CDH26: variants seen among roughly 807,000 people sequenced by gnomAD.
The protein encoded by CDH26 is cadherin-like protein 26.
Under a neutral mutation model 90.3 loss-of-function variants are expected in CDH26, and 83 were observed. The observed-to-expected ratio is 0.92, with a 90% confidence interval of 0.77 to 1.10. The LOEUF (loss-of-function observed/expected upper bound fraction) is 1.10, where lower values mean the gene tolerates loss of function less well. Among genes scored for constraint, CDH26 ranks in the 50% least tolerant of loss-of-function variants. The probability of loss-of-function intolerance (pLI) is 0.00; values close to 1 mark genes in which losing one functional copy is unlikely to be tolerated. For missense variants in CDH26, 1,013 were observed against 1,037.6 expected (o/e 0.98, Z 0.33); for synonymous variants, 397 against 396.3 (o/e 1.00, Z -0.02).
rs764267952 is a variant in CDH26 at position 59,996,734 on chromosome 20, T to C, written c.1992T>C (p.Asn664=). 1.2e-6 allele frequency: 2 copies of C among 1,614,248 alleles called. No individual in the cohort carries two copies. The highest frequency in any genetic ancestry group is 1.7e-6 in the Non-Finnish European group (2 of 1,180,048). The part of the protein sequence containing the change: ...DEGHQTLVMY[N]AESKGTSAQT... Reference sequence around the variant, plus strand: ...GCCACCAAACACTGGTCATGTATAATGCGGAGAGCAAAGGCACTTCAGCCC... The same window carrying C: ...GCCACCAAACACTGGTCATGTATAACGCGGAGAGCAAAGGCACTTCAGCCC... The change falls in exon 13 of 18, where the codon AAT becomes AAC. Residue 664 remains asparagine (N), a synonymous_variant. Transcript: ENST00000348616.
intron 1 of CDH26, among the ~76,000 whole-genome samples, chr20:59,960,700 C>G (rs1401454940): frequency 6.6e-6 from 1 of 152,130 alleles, no homozygotes; most frequent in Admixed American, 6.5e-5. Context: ...CTTTGAAAAC[C>G]TTTATCTCCC....
At position 60,033,478 on chromosome 20, in the gene CDH26, T is replaced by C. The variant is rs1314626042; in HGVS notation, c.1144-8T>C. 5 of 1,302,118 alleles carry C rather than the reference T, an allele frequency of 3.8e-6. No individual in the cohort carries two copies. In the East Asian group the frequency reaches 2.8e-4, roughly 72 times the overall value. The allele number at this position is 1,302,118 out of a possible 1,614,324, so 80.7% of individuals were successfully genotyped here. ...ATTCTCACTTTCTGTTTTCACCCCA[T>C]TTTGCAGATGAGGAGAACAAGGCTG... On this transcript the variant is annotated splice_region_variant and splice_polypyrimidine_tract_variant and intron_variant, in intron 8 of 8. Transcript: ENST00000370991.
chr20:59,961,193 T>G (rs2061068035), intron 1 of CDH26, among the ~76,000 whole-genome samples: 2 of 152,060 alleles, frequency 1.3e-5, no homozygotes, highest in African/African-American at 4.8e-5. Flanking sequence ...TCACTCCTGC[T>G]CCTACCCACA....
chr20:59,961,038 A>G (rs2061064563), intron 1 of CDH26, among the ~76,000 whole-genome samples: 1 of 152,216 alleles, frequency 6.6e-6, no homozygotes, highest in Admixed American at 6.5e-5. Context: ...TCTTGGTCAC[A>G]TTTTGCCATA....
intron 7 of CDH26, among the ~76,000 whole-genome samples, chr20:60,021,863 C>CACACACACACACACACACACACACAT (rs2061955720): frequency 1.7e-4 from 11 of 63,296 alleles, no homozygotes; most frequent in African/African-American, 5.7e-4. Context: ...CACACACACA[C>CACACACACACACACACACACACACAT]ACACACACAC....
At chr20:60,006,912 A>T in intron 17 of CDH26, 125 bp downstream of exon 17, 1 of 707,736 alleles carries the variant, frequency 1.4e-6, no homozygotes, top group Admixed American at 2.3e-5. Context: ...TGCCATAATA[A>T]AATACCATAG....
downstream of CDH26, among the ~76,000 whole-genome samples, chr20:60,018,498 AG>A (rs2066758830): frequency 6.6e-6 from 1 of 151,900 alleles, no homozygotes; most frequent in South Asian, 2.1e-4. Flanking sequence ...GTGTCTTTAC[AG>A]GTGATGTGAG....
At chr20:59,968,915 G>A in intron 1 of CDH26, 52 bp from the exon 2 acceptor site, 1 of 984,414 alleles carries the variant, frequency 1.0e-6, no homozygotes, top group East Asian at 2.6e-5. Flanking sequence ...TGGTTTCCAT[G>A]TGATTCTGGT....
chr20:59,995,679 A>C (rs567465219), intron 11 of CDH26, among the ~76,000 whole-genome samples, 154 bp from the exon 12 acceptor site: 1 of 152,278 alleles, frequency 6.6e-6, no homozygotes, highest in South Asian at 2.1e-4. Flanking sequence ...TTGATGTCAG[A>C]AGTGAGGGTA....
chr20:59,959,410 ATT>A (rs369592815), intron 1 of CDH26, among the ~76,000 whole-genome samples: 14 of 142,730 alleles, frequency 9.8e-5, no homozygotes, highest in East Asian at 2.0e-4. Context: ...AACACACACA[ATT>A]TTTTTTTTTT....
Position 59,966,231 on chromosome 20 carries a change from T to TAAAAAAAAAAAAAAAAAA in CDH26, c.70-2727_70-2710dup, listed in dbSNP as rs60088029. Among the ~76,000 whole-genome samples, 24 of 76,266 alleles carry TAAAAAAAAAAAAAAAAAA rather than the reference T, an allele frequency of 3.1e-4. 1 individual carries two copies. Among genetic ancestry groups the TAAAAAAAAAAAAAAAAAA allele is most frequent in the African/African-American group, 1.5e-3 (24 of 15,908 alleles). The allele number at this position is 76,266 out of a possible 152,430, so 50.0% of individuals were successfully genotyped here. On this transcript the variant is annotated intron_variant, in intron 1 of 17. Transcript: ENST00000348616. ...TCTTTCAAGTAAAATGGTGTTGCAT[T>TAAAAAAAAAAAAAAAAAA]AAAAAAAAAAAAAAAAAAAAAAAAA...
intron 16 of CDH26, among the ~76,000 whole-genome samples, chr20:60,005,018 G>A (rs1017511541): frequency 6.6e-6 from 1 of 151,500 alleles, no homozygotes; most frequent in East Asian, 1.9e-4. Context: ...TGCCACCCCC[G>A]AGACAGCAAG....
intron 4 of CDH26, among the ~76,000 whole-genome samples, chr20:59,973,260 G>T (rs369098996): frequency 6.6e-6 from 1 of 152,184 alleles, no homozygotes; most frequent in Non-Finnish European, 1.5e-5. Flanking sequence ...GCTGTTCCTC[G>T]GGCTTCCACA....
chr20:59,966,557 G>A (rs2061151746), intron 1 of CDH26, among the ~76,000 whole-genome samples: 1 of 152,206 alleles, frequency 6.6e-6, no homozygotes, highest in African/African-American at 2.4e-5. Context: ...CAAGTGCATG[G>A]TGGTGAAGAA....
chr20:60,028,629 G>A (rs568855302), intron 7 of CDH26, among the ~76,000 whole-genome samples: 1 of 152,332 alleles, frequency 6.6e-6, no homozygotes, highest in Admixed American at 6.5e-5. Context: ...CTGGGAGGCA[G>A]GGCTGATCAG....
chr20:59,974,506 G>A (rs1349529827), intron 4 of CDH26, among the ~76,000 whole-genome samples: 17 of 152,172 alleles, frequency 1.1e-4, no homozygotes, highest in Admixed American at 1.1e-3. Flanking sequence ...AATGCTTGGT[G>A]CATCACAGAT....
chr20:59,967,685 C>T (rs2145970421), intron 1 of CDH26, among the ~76,000 whole-genome samples: 1 of 152,058 alleles, frequency 6.6e-6, no homozygotes, highest in Non-Finnish European at 1.5e-5. Context: ...TCGTTTGCTG[C>T]TGGTTCTAAT....
chr20:59,958,855 G>A (rs2145962942), intron 1 of CDH26, 60 bp downstream of exon 1: 5 of 1,540,244 alleles, frequency 3.2e-6, no homozygotes, highest in Middle Eastern at 1.8e-4. Flanking sequence ...AGCACAAGCT[G>A]GCCCTGCCCC....
chr20:59,967,871 T>TCC lies in CDH26; in HGVS notation c.70-1096_70-1095insCC, dbSNP rs2061179952. Among the ~76,000 whole-genome samples, 10 of 108,554 alleles carry TCC rather than the reference T, an allele frequency of 9.2e-5. No homozygotes were observed. The East Asian group carries it at 9.3e-4, about 10-fold the overall frequency. 71.2% of individuals were successfully genotyped at this position (108,554 alleles called of 152,430 possible). A position where few individuals can be genotyped will look rare whatever the true frequency, so the allele number is the denominator to read the frequency against. The stretch of plus-strand genomic sequence containing the variant: ...TTTCTTTCTTTCTTTCTTTCTTTCT[T>TCC]TCTTTCTTCCTTCCTTCCTTCCTTC... On this transcript the variant is annotated intron_variant, in intron 1 of 17. Transcript: ENST00000348616.
Sources: gnomAD v4.1 joint callset for allele counts (sites outside exome capture counted in the v4.1 genomes callset) on GRCh38, gnomAD v4.1.1 for gene constraint, MANE v1.5 for transcripts, NCBI Gene and HGNC (gene_info 2026-07-23, HGNC 2026-07-21) for gene names.